GOLGB1: variants seen among roughly 807,000 people sequenced by gnomAD.
GOLGB1 encodes the protein golgin B1, also known as golgin subfamily B member 1.
GOLGB1 carries 174 observed loss-of-function variants against 336.9 expected under a neutral mutation model. That is an observed-to-expected ratio of 0.52 (90% CI 0.46 to 0.59). The LOEUF (loss-of-function observed/expected upper bound fraction) is 0.59. Among genes scored for constraint, GOLGB1 ranks in the 20% least tolerant of loss-of-function variants. The pLI, the probability that GOLGB1 is intolerant of heterozygous loss-of-function variation, is 0.00. For missense variants in GOLGB1, 3,331 were observed against 3,645.3 expected (o/e 0.91, Z 2.22); for synonymous variants, 1,208 against 1,289.2 (o/e 0.94, Z 1.35).
chr3:121,704,578 G>A (rs1943658965), intron 10 of GOLGB1, among the ~76,000 whole-genome samples: 1 of 152,062 alleles, frequency 6.6e-6, no homozygotes, highest in South Asian at 2.1e-4. Context: ...GGGAGTTCAA[G>A]ACCAGCTTGA....
intron 20 of GOLGB1, among the ~76,000 whole-genome samples, chr3:121,665,329 C>A (rs1938459341): frequency 6.6e-6 from 1 of 152,234 alleles, no homozygotes. Context: ...TTATTATCTT[C>A]AAAGTGCTAA....
chr3:121,694,204 T>C lies in GOLGB1; in HGVS notation c.6319A>G (p.Lys2107Glu), dbSNP rs1942729879. 2 of 1,612,496 alleles carry C rather than the reference T, an allele frequency of 1.2e-6. No homozygotes were observed. The highest frequency in any genetic ancestry group is 1.3e-5 in the African/African-American group (1 of 74,938). Residue 2107 changes from lysine (K) to glutamate (E), a missense_variant, in exon 13 of 22, where the codon AAA (lysine) becomes GAA (glutamate). Coordinates refer to ENST00000614479, the MANE Select transcript of GOLGB1 (RefSeq NM_001366282.2). Reference sequence around the variant, plus strand: ...TCTTTATTTGACTGAAGTTCCTTTTTCAACTTGAGATTGTCTGCTAGGACC... The same window carrying C: ...TCTTTATTTGACTGAAGTTCCTTTTCCAACTTGAGATTGTCTGCTAGGACC... ...ARVLADNLKL[K>E]KELQSNKESV...
Position 121,691,718 on chromosome 3 carries a change from A to T in GOLGB1, c.7646T>A (p.Ile2549Lys), listed in dbSNP as rs1286038135. 17 of 1,612,668 alleles carry T rather than the reference A, an allele frequency of 1.1e-5. No individual in the cohort carries two copies. Among genetic ancestry groups the T allele is most frequent in the Non-Finnish European group, 1.4e-5 (17 of 1,179,730 alleles). ...CTTTTGTTGGCTGTCCTTTATTGTT[A>T]TCACTTGGTTCAGGTCTTCTCTATA... is the stretch of plus-strand genomic sequence containing the variant. ...IQYREDLNQV[I>K]TIKDSQQKQL... Residue 2549 changes from isoleucine to lysine, a missense_variant, in exon 14 of 22, where the codon ATA becomes AAA. Transcript: ENST00000614479.
At chr3:121,733,038 T>C (rs977982636) in intron 1 of GOLGB1, among the ~76,000 whole-genome samples, 4 of 152,104 alleles carry the variant, frequency 2.6e-5, no homozygotes, top group Middle Eastern at 3.2e-3. Flanking sequence ...AAAAGTCAAC[T>C]GCAGGCCAGG....
intron 10 of GOLGB1, among the ~76,000 whole-genome samples, chr3:121,707,519 G>A (rs868008513): frequency 1.4e-4 from 21 of 151,710 alleles, no homozygotes; most frequent in African/African-American, 5.1e-4. Context: ...TGTAGTCACA[G>A]CTACTCTGGA....
intron 17 of GOLGB1, among the ~76,000 whole-genome samples, chr3:121,676,428 G>A (rs1009736143): frequency 1.3e-5 from 2 of 152,130 alleles, no homozygotes; most frequent in African/African-American, 2.4e-5. Context: ...GCTAATCTCT[G>A]GACTTCTGAT....
chr3:121,710,286 TAGAA>T (rs1029578834), intron 10 of GOLGB1, among the ~76,000 whole-genome samples: 30 of 151,554 alleles, frequency 2.0e-4, no homozygotes, highest in Non-Finnish European at 3.1e-4. Context: ...TCTCATAAAA[TAGAA>T]AGAAAGGAAA....
chr3:121,729,715 C>A, intron 3 of GOLGB1, 150 bp downstream of exon 3: 1 of 605,724 alleles, frequency 1.7e-6, no homozygotes, highest in Non-Finnish European at 2.8e-6. Flanking sequence ...CCACACCGAC[C>A]CAAAAGTTAT....
At chr3:121,734,393 A>AG (rs1946340857) in intron 1 of GOLGB1, among the ~76,000 whole-genome samples, 1 of 17,772 alleles carries the variant, frequency 5.6e-5, no homozygotes, top group Admixed American at 3.0e-4. Flanking sequence ...CTGTCTCGGG[A>AG]AAAAAAAAAA....
intron 10 of GOLGB1, among the ~76,000 whole-genome samples, chr3:121,714,324 C>T (rs1261984109): frequency 6.6e-6 from 1 of 152,098 alleles, no homozygotes; most frequent in Non-Finnish European, 1.5e-5. Context: ...CCTGAATCAG[C>T]CTTCGATGAT....
intron 5 of GOLGB1, among the ~76,000 whole-genome samples, chr3:121,725,846 A>G (rs570848050): frequency 3.3e-5 from 5 of 152,252 alleles, no homozygotes; most frequent in Admixed American, 1.3e-4. Flanking sequence ...CTGGCAAATT[A>G]GCACACTCAG....
At chr3:121,727,320 ATTTT>A (rs869189384) in intron 4 of GOLGB1, among the ~76,000 whole-genome samples, 83 of 28,546 alleles carry the variant, frequency 2.9e-3, no homozygotes, top group South Asian at 5.7e-3. Flanking sequence ...ATATATATAT[ATTTT>A]TTTTTTTTTT....
intron 17 of GOLGB1, among the ~76,000 whole-genome samples, chr3:121,672,391 TA>T (rs2107587635): frequency 6.6e-6 from 1 of 152,308 alleles, no homozygotes; most frequent in East Asian, 1.9e-4. Context: ...GGATGCTGAG[TA>T]TTTTTTTTTA....
At chr3:121,732,095 T>C (rs1946159950) in intron 1 of GOLGB1, among the ~76,000 whole-genome samples, 1 of 152,128 alleles carries the variant, frequency 6.6e-6, no homozygotes, top group Non-Finnish European at 1.5e-5. Flanking sequence ...ACTGAAAGAT[T>C]CAAGCTACCA....
At chr3:121,667,413 A>ATG in intron 20 of GOLGB1, 63 bp downstream of exon 20, 1 of 1,508,094 alleles carries the variant, frequency 6.6e-7, no homozygotes, top group Non-Finnish European at 9.0e-7. Flanking sequence ...CTGGCAGGAA[A>ATG]TGTACATGAG....
At chr3:121,680,894 G>T (rs1295154199) in intron 15 of GOLGB1, among the ~76,000 whole-genome samples, 2 of 152,118 alleles carry the variant, frequency 1.3e-5, no homozygotes, top group African/African-American at 4.8e-5. Flanking sequence ...ACATTAAAAA[G>T]ATGTTCAGCC....
intron 15 of GOLGB1, among the ~76,000 whole-genome samples, chr3:121,679,210 A>G (rs1055930275): frequency 6.6e-6 from 1 of 152,178 alleles, no homozygotes; most frequent in African/African-American, 2.4e-5. Context: ...CTGACATGAC[A>G]CTCAAAGGAA....
chr3:121,673,906 A>G (rs1432570591), intron 17 of GOLGB1, among the ~76,000 whole-genome samples: 1 of 152,010 alleles, frequency 6.6e-6, no homozygotes, highest in Non-Finnish European at 1.5e-5. Context: ...TTTTTAGTAG[A>G]GAAGGGATTT....
At chr3:121,703,404 C>T (rs1361025854) in intron 10 of GOLGB1, among the ~76,000 whole-genome samples, 2 of 152,158 alleles carry the variant, frequency 1.3e-5, no homozygotes, top group African/African-American at 4.8e-5. Context: ...ACAGATATTT[C>T]TGGCTTGAAG....
Sources: gnomAD v4.1 joint callset for allele counts (sites outside exome capture counted in the v4.1 genomes callset) on GRCh38, gnomAD v4.1.1 for gene constraint, MANE v1.5 for transcripts, NCBI Gene and HGNC (gene_info 2026-07-23, HGNC 2026-07-21) for gene names.